The following LAMTOR1 variants were observed in gnomAD, a reference collection of about 807,000 sequenced individuals.
The protein encoded by LAMTOR1 is late endosomal/lysosomal adaptor, MAPK and MTOR activator 1.
In LAMTOR1, 8 loss-of-function variants were observed where a neutral mutation model predicts 20.5. That is an observed-to-expected ratio of 0.39 (90% CI 0.23 to 0.70). The LOEUF (loss-of-function observed/expected upper bound fraction) is 0.70. Ranked by LOEUF, LAMTOR1 falls within the 30% of genes least tolerant of loss-of-function variation. The pLI is 0.43. For synonymous variants in LAMTOR1, 77 were observed against 80.9 expected (o/e 0.95, Z 0.26); for missense variants, 135 against 206.2 (o/e 0.65, Z 2.11).
rs1945284864 is a variant in LAMTOR1, at chr11:72,097,889, T to C, written c.419A>G (p.Tyr140Cys). 6.2e-7 allele frequency: 1 copy of C among 1,607,904 alleles called. No individual in the cohort carries two copies. The highest frequency in any genetic ancestry group is 1.1e-5 in the South Asian group (1 of 90,842). ...CACACGGATCTGAGAAAGTGCACTG[T>C]AGGCATAAGCAGCTATCCTGGAGAC... ...QQVSRIAAYAYSALSQIRVDA... is the reference protein window; with the variant it reads ...QQVSRIAAYACSALSQIRVDA... The change falls in exon 5 of 5, where the codon TAC becomes TGC. Residue 140 changes from tyrosine (Y) to cysteine (C), a missense_variant. Coordinates refer to ENST00000278671, the MANE Select transcript of LAMTOR1 (RefSeq NM_017907.3).
intron 1 of LAMTOR1, among the ~76,000 whole-genome samples, chr11:72,099,930 A>G (rs1416817028): frequency 6.6e-6 from 1 of 152,220 alleles, no homozygotes; most frequent in Non-Finnish European, 1.5e-5. Flanking sequence ...CGTGACTCCC[A>G]GAACCAAACT....
chr11:72,100,378 T>C (rs150580191), intron 1 of LAMTOR1, among the ~76,000 whole-genome samples: 53 of 152,290 alleles, frequency 3.5e-4, no homozygotes, highest in African/African-American at 1.3e-3. Context: ...CCTGAACTAA[T>C]GTAAGACCAA....
rs1173839753 is a variant in LAMTOR1, at chr11:72,098,629, A to G, written c.266+152T>C. ...CACAGGGTAAACAGGGCTGACATGA[A>G]TAACTACTGAAGCACCCAAGTGATC... On this transcript the variant is annotated intron_variant, in intron 3 of 4. Transcript: ENST00000278671. The G allele has an allele frequency of 6.4e-6, 5 of 783,504 alleles. No homozygotes were observed. The African/African-American group carries it at 7.0e-5, about 11-fold the overall frequency. 48.5% of individuals were successfully genotyped at this position (783,504 alleles called of 1,614,324 possible).
At chr11:72,099,357 G>GT (rs1189801820) in intron 1 of LAMTOR1, 101 bp from the exon 2 acceptor site, 11 of 1,308,154 alleles carry the variant, frequency 8.4e-6, no homozygotes, top group Non-Finnish European at 1.0e-5. Flanking sequence ...CACCAAAAAT[G>GT]TTTCTATAAG....
intron 1 of LAMTOR1, among the ~76,000 whole-genome samples, chr11:72,100,476 G>A (rs1945397289): frequency 6.6e-6 from 1 of 152,178 alleles, no homozygotes; most frequent in Admixed American, 6.5e-5. Flanking sequence ...ATTTGACCCT[G>A]CCTTGAGACC....
intron 1 of LAMTOR1, among the ~76,000 whole-genome samples, chr11:72,099,860 T>C (rs532842206): frequency 2.0e-5 from 3 of 152,360 alleles, no homozygotes; most frequent in African/African-American, 7.2e-5. Context: ...TGTGTTCCCT[T>C]CTTGAAGGCA....
chr11:72,098,124 C>T (rs1945296206), intron 4 of LAMTOR1, 165 bp downstream of exon 4: 1 of 1,041,210 alleles, frequency 9.6e-7, no homozygotes. Context: ...ATAGGAAAGA[C>T]ATAAAAAGTT....
rs763267480 is a variant in LAMTOR1, at chr11:72,098,306, A to G, written c.376T>C (p.Phe126Leu). Residue 126 changes from phenylalanine to leucine, a missense_variant, in exon 4 of 5, where the codon TTC becomes CTC. Transcript: ENST00000278671. Reference sequence around the variant, plus strand: ...TGTCTCACCTGCTGCAAATCAGAGAACGGGATGGGCTCACTGGCCAGCACT... The same window carrying G: ...TGTCTCACCTGCTGCAAATCAGAGAGCGGGATGGGCTCACTGGCCAGCACT... Reference protein sequence around the residue: ...HQVLASEPIPFSDLQQVSRIA... With the variant: ...HQVLASEPIPLSDLQQVSRIA... 1 of 1,613,768 alleles carries G rather than the reference A, an allele frequency of 6.2e-7. No homozygotes were observed. Among genetic ancestry groups the G allele is most frequent in the Non-Finnish European group, 8.5e-7 (1 of 1,179,944 alleles).
chr11:72,098,442 A>C, intron 3 of LAMTOR1, 27 bp from the exon 4 acceptor site: 2 of 1,599,812 alleles, frequency 1.3e-6, no homozygotes, highest in Non-Finnish European at 1.7e-6. Flanking sequence ...GGGTGGGGGT[A>C]GGCAGTTAAG....
Position 72,099,158 on chromosome 11 carries a change from G to A in LAMTOR1, c.141C>T (p.Arg47=). Residue 47 remains arginine, a synonymous_variant, in exon 2 of 5, where the codon CGC becomes CGT. Coordinates refer to ENST00000278671, the MANE Select transcript of LAMTOR1 (RefSeq NM_017907.3). The stretch of plus-strand genomic sequence containing the variant: ...AAGAGAGCAGGGCCTGCTCATCAGT[G>A]CGAGCGGAAGGCAGGCTGTGGTAGT... ...EPNYHSLPSA[R]TDEQALLSSI... 6.2e-7 allele frequency: 1 copy of A among 1,613,910 alleles called. No individual in the cohort carries two copies. Among genetic ancestry groups the A allele is most frequent in the Non-Finnish European group, 8.5e-7 (1 of 1,179,902 alleles).
At chr11:72,101,169 C>T (rs1413584906) in intron 1 of LAMTOR1, among the ~76,000 whole-genome samples, 1 of 152,216 alleles carries the variant, frequency 6.6e-6, no homozygotes, top group East Asian at 1.9e-4. Flanking sequence ...AAGTGAACAA[C>T]AAGGTTATTT....
At chr11:72,099,307 C>T (rs535594574) in intron 1 of LAMTOR1, 51 bp from the exon 2 acceptor site, 1 of 1,506,346 alleles carries the variant, frequency 6.6e-7, no homozygotes, top group East Asian at 2.3e-5. Flanking sequence ...TAGATCCTGC[C>T]TTTCACGGGT....
In LAMTOR1 at chr11:72,101,435, G is replaced by A. The variant is rs976751186; in HGVS notation, c.42+1748C>T. ...CCATGGATAAAGTACATGGCCTAGC[G>A]TCAGAACACCTGGGCACTAGCACTT... On this transcript the variant is annotated intron_variant, in intron 1 of 4. Coordinates refer to ENST00000278671, the MANE Select transcript of LAMTOR1 (RefSeq NM_017907.3). Among the ~76,000 whole-genome samples the A allele has an allele frequency of 3.3e-5, 5 of 152,202 alleles. No individual in the cohort carries two copies. In the East Asian group the frequency reaches 5.8e-4, roughly 18 times the overall value.
chr11:72,098,191 C>A lies in LAMTOR1; in HGVS notation c.393+98G>T, dbSNP rs753119825. ...ACAAGGCTACCAGGCTCCCTAACTCCACCTTCCCTACCTCCTCTGAGGCAG... is the reference window on the plus strand; with the variant it reads ...ACAAGGCTACCAGGCTCCCTAACTCAACCTTCCCTACCTCCTCTGAGGCAG... On this transcript the variant is annotated intron_variant, in intron 4 of 4. Coordinates refer to ENST00000278671, the MANE Select transcript of LAMTOR1 (RefSeq NM_017907.3). The A allele has an allele frequency of 6.6e-6, 10 of 1,509,144 alleles. No homozygotes were observed. In the East Asian group the frequency reaches 2.3e-4, roughly 35 times the overall value. The allele number at this position is 1,509,144 out of a possible 1,614,324, so 93.5% of individuals were successfully genotyped here.
At position 72,099,113 on chromosome 11, in the gene LAMTOR1, G is replaced by C. The variant is rs1305233255; in HGVS notation, c.186C>G (p.Ala62=). 13 of 1,613,722 alleles carry C rather than the reference G, an allele frequency of 8.1e-6. No homozygotes were observed. The highest frequency in any genetic ancestry group is 1.1e-5 in the Non-Finnish European group (13 of 1,180,006). ...ALLSSILAKT[A]SNIIDVSAAD... The stretch of plus-strand genomic sequence containing the variant: ...AGGCCTGGTCCTCTGACACTTACCT[G>C]GCTGTCTTGGCAAGGATGGAAGAGA... The change falls in exon 2 of 5, where the codon GCC becomes GCG. Residue 62 remains alanine, a splice_region_variant and synonymous_variant. Transcript: ENST00000278671.
In LAMTOR1 at chr11:72,099,313, C is replaced by T. The variant is rs181689403; in HGVS notation, c.43-57G>A. ...CAGGACCCGTAGATCCTGCCTTTCA[C>T]GGGTGCTACCCTTAGCCCAGCTCTG... On this transcript the variant is annotated intron_variant, in intron 1 of 4. Coordinates refer to ENST00000278671, the MANE Select transcript of LAMTOR1 (RefSeq NM_017907.3). 315 of 1,505,802 alleles carry T rather than the reference C, an allele frequency of 2.1e-4. 1 individual carries two copies. The African/African-American group carries it at 3.7e-3, about 18-fold the overall frequency. The allele number at this position is 1,505,802 out of a possible 1,614,324, so 93.3% of individuals were successfully genotyped here.
At chr11:72,099,293 C>G (rs1356270754) in intron 1 of LAMTOR1, 37 bp from the exon 2 acceptor site, 2 of 1,514,716 alleles carry the variant, frequency 1.3e-6, no homozygotes, top group South Asian at 1.3e-5. Flanking sequence ...AGCCCCAGGA[C>G]CCGTAGATCC....
At position 72,097,349 on chromosome 11, in the gene LAMTOR1, A is replaced by G; in HGVS notation, c.*473T>C. On this transcript the variant is annotated 3_prime_UTR_variant, in exon 5 of 5. Transcript: ENST00000278671. ...AAACCAAAACAAAAAAAGACCAAACATGTAAAAACCCAGGGTTCTAGAAAT... is the reference window on the plus strand; with the variant it reads ...AAACCAAAACAAAAAAAGACCAAACGTGTAAAAACCCAGGGTTCTAGAAAT... The G allele has an allele frequency of 2.0e-6, 2 of 995,552 alleles. No individual in the cohort carries two copies. The highest frequency in any genetic ancestry group is 2.4e-6 in the Non-Finnish European group (2 of 835,196). The allele number at this position is 995,552 out of a possible 1,614,324, so 61.7% of individuals were successfully genotyped here.
chr11:72,103,015 A>C (rs913093961), intron 1 of LAMTOR1, among the ~76,000 whole-genome samples, 168 bp downstream of exon 1: 2 of 152,226 alleles, frequency 1.3e-5, no homozygotes, highest in Non-Finnish European at 2.9e-5. Flanking sequence ...TGGGGCTTTA[A>C]CAGGGGTAGG....
Sources: gnomAD v4.1 joint callset for allele counts (sites outside exome capture counted in the v4.1 genomes callset) on GRCh38, gnomAD v4.1.1 for gene constraint, MANE v1.5 for transcripts, NCBI Gene and HGNC (gene_info 2026-07-23, HGNC 2026-07-21) for gene names.